BUB1B: variants seen among roughly 807,000 people sequenced by gnomAD.
The protein encoded by BUB1B is BUB1 mitotic checkpoint serine/threonine kinase B.
In BUB1B, 86 loss-of-function variants were observed where a neutral mutation model predicts 137.7. That is an observed-to-expected ratio of 0.62 (90% CI 0.52 to 0.75). The LOEUF is 0.75. Among genes scored for constraint, BUB1B ranks in the 30% least tolerant of loss-of-function variants. The pLI, the probability that BUB1B is intolerant of heterozygous loss-of-function variation, is 0.00. For missense variants in BUB1B, 1,130 were observed against 1,236.9 expected (o/e 0.91, Z 1.30); for synonymous variants, 420 against 417.9 (o/e 1.00, Z -0.06).
rs756309201 is a variant in BUB1B, at chr15:40,206,428, A to G, written c.1979A>G (p.Tyr660Cys). The change falls in exon 15 of 23, where the codon TAC becomes TGC. Residue 660 changes from tyrosine to cysteine, a missense_variant. Coordinates refer to ENST00000287598, the MANE Select transcript of BUB1B (RefSeq NM_001211.6). Reference sequence around the variant, plus strand: ...CAGCAGACAGCTTGTGGCACTATCTACAGTCAGACTCTCAGCATCAAGAAG... The same window carrying G: ...CAGCAGACAGCTTGTGGCACTATCTGCAGTCAGACTCTCAGCATCAAGAAG... ...EDQQTACGTI[Y>C]SQTLSIKKLS... is the part of the protein sequence containing the mutation. The G allele has an allele frequency of 1.7e-5, 28 of 1,614,104 alleles. No homozygotes were observed. Among genetic ancestry groups the G allele is most frequent in the Non-Finnish European group, 2.3e-5 (27 of 1,180,046 alleles).
chr15:40,174,057 C>T (rs2037196405), intron 4 of BUB1B: 1 of 356,198 alleles, frequency 2.8e-6, no homozygotes, highest in Non-Finnish European at 5.3e-6. Context: ...ATTAATCTAA[C>T]CATATAGTCC....
At chr15:40,220,262 C>CT (rs1426582751) in intron 22 of BUB1B, among the ~76,000 whole-genome samples, 1 of 152,196 alleles carries the variant, frequency 6.6e-6, no homozygotes, top group Non-Finnish European at 1.5e-5. Flanking sequence ...AATAAAATTC[C>CT]TTTTTCTTCT....
rs71426368 is a variant in BUB1B, at chr15:40,216,571, A to AT, written c.2679-910dup. Among the ~76,000 whole-genome samples, 564 of 83,000 alleles carry AT rather than the reference A, an allele frequency of 6.8e-3. 5 individuals carry two copies. The highest frequency in any genetic ancestry group is 0.013 in the African/African-American group (210 of 16,384). 54.5% of individuals were successfully genotyped at this position (83,000 alleles called of 152,430 possible). ...ACTATATATATATATATATATATAT[A>AT]TTTTTTTTTTTTTTTAATTATAGTA... On this transcript the variant is annotated intron_variant, in intron 20 of 22. Transcript: ENST00000287598.
intron 15 of BUB1B, 28 bp downstream of exon 15, chr15:40,206,486 A>G: frequency 1.9e-6 from 3 of 1,613,722 alleles, no homozygotes; most frequent in Non-Finnish European, 2.5e-6. Flanking sequence ...GGTTTTACAA[A>G]CCAGATTGTT....
chr15:40,180,458 G>T (rs1261779105), intron 5 of BUB1B, among the ~76,000 whole-genome samples: 15 of 151,154 alleles, frequency 9.9e-5, no homozygotes, highest in Non-Finnish European at 2.1e-4. Context: ...AAGAGATGGG[G>T]TTTCATCACA....
Position 40,202,480 on chromosome 15 carries a change from TG to T in BUB1B, c.1628+16del, listed in dbSNP as rs2037584349. 1 of 1,609,844 alleles carries T rather than the reference TG, an allele frequency of 6.2e-7. No homozygotes were observed. The highest frequency in any genetic ancestry group is 1.3e-5 in the African/African-American group (1 of 74,750). ...AAGAATAAAAGGTACGTTGTTTTTT[TG>T]TTTTTTTGGTTTTTTTTTACTTAAG... On this transcript the variant is annotated intron_variant, in intron 13 of 22. Transcript: ENST00000287598.
chr15:40,217,099 G>T (rs1039634426), intron 20 of BUB1B, among the ~76,000 whole-genome samples: 6 of 152,064 alleles, frequency 3.9e-5, no homozygotes, highest in African/African-American at 1.4e-4. Flanking sequence ...AACAAGAAAG[G>T]CTATGACACC....
intron 10 of BUB1B, 73 bp downstream of exon 10, chr15:40,199,800 G>A (rs1388400728): frequency 3.4e-6 from 4 of 1,174,826 alleles, no homozygotes; most frequent in East Asian, 5.1e-5. Context: ...AATATAGAAG[G>A]TTAAAGTCCT....
At chr15:40,200,160 A>T (rs1270783551) in intron 10 of BUB1B, 84 bp from the exon 11 acceptor site, 5 of 897,018 alleles carry the variant, frequency 5.6e-6, no homozygotes, top group Admixed American at 3.9e-5. Flanking sequence ...CTAGGGAAAG[A>T]GTACAGTAAA....
chr15:40,166,099 C>T (rs573617769), intron 2 of BUB1B, among the ~76,000 whole-genome samples: 1 of 152,324 alleles, frequency 6.6e-6, no homozygotes, highest in East Asian at 1.9e-4. Flanking sequence ...GTGATCCGCC[C>T]ACCTTGGCAT....
intron 20 of BUB1B, 123 bp downstream of exon 20, chr15:40,213,597 A>G (rs183907390): frequency 2.7e-6 from 3 of 1,092,670 alleles, no homozygotes; most frequent in African/African-American, 1.6e-5. Flanking sequence ...GTACAGTGGC[A>G]TGATCTTGGC....
chr15:40,164,008 C>T (rs1158885689), intron 1 of BUB1B, among the ~76,000 whole-genome samples: 1 of 152,160 alleles, frequency 6.6e-6, no homozygotes, highest in Non-Finnish European at 1.5e-5. Flanking sequence ...TCTATCTAAC[C>T]ATTGCAGGGC....
Position 40,200,867 on chromosome 15 carries a change from T to C in BUB1B, c.1518-64T>C. On this transcript the variant is annotated intron_variant, in intron 11 of 22. Coordinates refer to ENST00000287598, the MANE Select transcript of BUB1B (RefSeq NM_001211.6). ...TTTAATGGAAAAGCCTCTTGGACTT[T>C]TAAAAATTAAACAGTTCTTTCTGTG... 2.1e-6 allele frequency: 3 copies of C among 1,425,064 alleles called. No homozygotes were observed. The Middle Eastern group carries it at 5.3e-4, about 253-fold the overall frequency. 88.3% of individuals were successfully genotyped at this position (1,425,064 alleles called of 1,614,324 possible).
rs181346016 is a variant in BUB1B at position 40,193,635 on chromosome 15, G to A, written c.1059-2910G>A. Among the ~76,000 whole-genome samples the A allele has an allele frequency of 3.5e-4, 53 of 151,858 alleles. No individual in the cohort carries two copies. The East Asian group carries it at 5.1e-3, about 15-fold the overall frequency. ...TTTGAAGACAGGGTCTCAGCCGGGCGTGGTGGCTCATGCTTGTAATCCCAG... is the reference window on the plus strand; with the variant it reads ...TTTGAAGACAGGGTCTCAGCCGGGCATGGTGGCTCATGCTTGTAATCCCAG... On this transcript the variant is annotated intron_variant, in intron 8 of 22. Transcript: ENST00000287598.
chr15:40,161,865 C>CA (rs1389753371), intron 1 of BUB1B, among the ~76,000 whole-genome samples: 1 of 152,188 alleles, frequency 6.6e-6, no homozygotes, highest in African/African-American at 2.4e-5. Flanking sequence ...GTGGTGCCCG[C>CA]AATACCTAGA....
chr15:40,165,658 T>G (rs139375607), intron 2 of BUB1B, among the ~76,000 whole-genome samples: 1 of 152,214 alleles, frequency 6.6e-6, no homozygotes, highest in Non-Finnish European at 1.5e-5. Context: ...AAAATACTCT[T>G]ATGTTATTCA....
rs758436046 is a variant in BUB1B at position 40,200,244 on chromosome 15, CA to C, written c.1404del (p.Glu469LysfsTer24). The C allele has an allele frequency of 1.2e-6, 2 of 1,609,120 alleles. No homozygotes were observed. The stretch of plus-strand genomic sequence containing the variant: ...GATTTTGTTTATTTAATGCAAACAG[CA>C]AGAAGAGACGATGCCTACAAAGGAG... ...TTQQERTGDQ[Q>X]EETMPTKETT... is the part of the protein sequence containing the mutation. On this transcript the variant is annotated frameshift_variant and splice_region_variant, in exon 11 of 23. Transcript: ENST00000287598. LOFTEE classifies it high-confidence loss of function.
chr15:40,188,668 C>T (rs1327700002), intron 8 of BUB1B, among the ~76,000 whole-genome samples: 5 of 151,030 alleles, frequency 3.3e-5, no homozygotes, highest in Admixed American at 6.6e-5. Context: ...CTGTAACCTC[C>T]GCCTCCCGGG....
intron 8 of BUB1B, among the ~76,000 whole-genome samples, chr15:40,188,876 C>T (rs986506324): frequency 6.6e-6 from 1 of 152,166 alleles, no homozygotes; most frequent in African/African-American, 2.4e-5. Context: ...CCACTGCACT[C>T]AGCCTTTTAA....
Sources: allele counts gnomAD v4.1 joint callset (sites outside exome capture counted in the v4.1 genomes callset), GRCh38; gene constraint gnomAD v4.1.1; transcripts MANE v1.5; gene names NCBI Gene and HGNC (gene_info 2026-07-23, HGNC 2026-07-21).